POLR2B: variants seen among roughly 807,000 people sequenced by gnomAD.
POLR2B encodes the protein DNA-directed RNA polymerase II subunit RPB2.
A neutral mutation model predicts 144.6 loss-of-function variants in POLR2B; 57 were observed. That is an observed-to-expected ratio of 0.39 (90% CI 0.32 to 0.49). POLR2B has a LOEUF of 0.49. POLR2B is among the 20% of genes least tolerant of loss of function. The probability of loss-of-function intolerance (pLI) is 0.83; values close to 1 mark genes in which losing one functional copy is unlikely to be tolerated. For missense variants in POLR2B, 595 were observed against 1,467.4 expected (o/e 0.41, Z 9.71); for synonymous variants, 442 against 469.8 (o/e 0.94, Z 0.77).
At chr4:57,010,066 C>T (rs1016901738) in intron 10 of POLR2B, 3 of 287,708 alleles carry the variant, frequency 1.0e-5, no homozygotes, top group Non-Finnish European at 2.0e-5. Context: ...TGCTGGGATA[C>T]AACAGAGAAT....
At chr4:56,991,067 T>G (rs1722495959) in intron 3 of POLR2B, among the ~76,000 whole-genome samples, 169 bp downstream of exon 3, 1 of 150,258 alleles carries the variant, frequency 6.7e-6, no homozygotes, top group Non-Finnish European at 1.5e-5. Context: ...AAGAGGTGTG[T>G]TTTTTTGCAA....
chr4:57,012,094 G>A (rs1211839364), intron 13 of POLR2B, among the ~76,000 whole-genome samples: 1 of 151,760 alleles, frequency 6.6e-6, no homozygotes, highest in African/African-American at 2.4e-5. Flanking sequence ...TTGGGATTAG[G>A]ATGGGTTTTA....
chr4:57,005,582 C>CT lies in POLR2B; in HGVS notation c.1098-5dup, dbSNP rs367918481. 161,825 of 1,283,416 alleles carry CT rather than the reference C, an allele frequency of 0.13. 2,235 individuals carry two copies. The highest frequency in any genetic ancestry group is 0.28 in the East Asian group (10,552 of 37,692). The allele number at this position is 1,283,416 out of a possible 1,614,324, so 79.5% of individuals were successfully genotyped here. A position where few individuals can be genotyped will look rare whatever the true frequency, so the allele number is the denominator to read the frequency against. On this transcript the variant is annotated splice_polypyrimidine_tract_variant and intron_variant, in intron 8 of 24. Coordinates refer to ENST00000314595, the MANE Select transcript of POLR2B (RefSeq NM_000938.3). ...AAGTGTTTTCCCTCTTTCTTTCTTTCTTTTTTTTTTTTTAAAGATACATGG... is the reference window on the plus strand; with the variant it reads ...AAGTGTTTTCCCTCTTTCTTTCTTTCTTTTTTTTTTTTTTAAAGATACATGG...
chr4:57,012,098 G>A (rs1231941882), intron 13 of POLR2B, among the ~76,000 whole-genome samples: 1 of 151,540 alleles, frequency 6.6e-6, no homozygotes, highest in Admixed American at 6.6e-5. Flanking sequence ...GATTAGGATG[G>A]GTTTTAAAAA....
chr4:57,025,755 C>T (rs1294260734), intron 23 of POLR2B, among the ~76,000 whole-genome samples: 1 of 152,074 alleles, frequency 6.6e-6, no homozygotes, highest in East Asian at 1.9e-4. Context: ...CTCTGTCACC[C>T]AGGCTGGAGT....
intron 2 of POLR2B, among the ~76,000 whole-genome samples, chr4:56,988,842 C>A (rs1722416192): frequency 6.6e-6 from 1 of 152,128 alleles, no homozygotes; most frequent in South Asian, 2.1e-4. Context: ...ATTCTACATT[C>A]TCCCGGTAGA....
chr4:57,010,595 A>T, intron 11 of POLR2B, 91 bp downstream of exon 11: 1 of 1,409,240 alleles, frequency 7.1e-7, no homozygotes, highest in Non-Finnish European at 9.7e-7. Flanking sequence ...TTGAAAAATT[A>T]TGCAGAGTGG....
At position 56,994,957 on chromosome 4, in the gene POLR2B, T is replaced by A. The variant is rs145350715; in HGVS notation, c.576+91T>A. On this transcript the variant is annotated intron_variant, in intron 5 of 24. Coordinates refer to ENST00000314595, the MANE Select transcript of POLR2B (RefSeq NM_000938.3). ...AAAAAAAAAAAAAAAGAAAGAAAGA[T>A]TTTCCTGCAGGATAACCTGGCACTG... 8.4e-5 allele frequency: 70 copies of A among 829,702 alleles called. No homozygotes were observed. The East Asian group carries it at 1.8e-3, about 21-fold the overall frequency. The allele number at this position is 829,702 out of a possible 1,614,324, so 51.4% of individuals were successfully genotyped here.
intron 12 of POLR2B, 48 bp from the exon 13 acceptor site, chr4:57,010,941 T>A (rs368524220): frequency 5.9e-5 from 94 of 1,591,900 alleles, no homozygotes; most frequent in Non-Finnish European, 7.8e-5. Flanking sequence ...TAGTTGTTGC[T>A]TAGTATAGAA....
chr4:57,012,398 C>G (rs1723220692), intron 13 of POLR2B, among the ~76,000 whole-genome samples: 1 of 128,054 alleles, frequency 7.8e-6, no homozygotes. Flanking sequence ...GAGTGAGACT[C>G]TGTCTCCAAA....
At chr4:57,002,208 T>C in intron 7 of POLR2B, among the ~76,000 whole-genome samples, 1 of 152,108 alleles carries the variant, frequency 6.6e-6, no homozygotes, top group Admixed American at 6.6e-5. Flanking sequence ...TTTGTATTTT[T>C]GGTAGAGATG....
chr4:57,019,837 G>T (rs1723485420), intron 16 of POLR2B, among the ~76,000 whole-genome samples: 1 of 147,364 alleles, frequency 6.8e-6, no homozygotes, highest in South Asian at 2.1e-4. Context: ...GGGTCTAGGA[G>T]CTAATCCAGG....
rs780392979 is a variant in POLR2B, at chr4:57,017,223, C to T, written c.2136C>T (p.Pro712=). The part of the protein sequence containing the change: ...MILGVCASII[P]FPDHNQSPRN... ...TTGGTGTCTGTGCATCTATTATTCC[C>T]TTTCCTGATCATAACCAGGTTGGTA... Residue 712 remains proline (P), a synonymous_variant, in exon 15 of 25, where the codon CCC becomes CCT. Transcript: ENST00000314595. The surrounding 1 kb of genome is among the most constrained non-coding windows in gnomAD (Gnocchi z 4.8). 1 of 1,610,370 alleles carries T rather than the reference C, an allele frequency of 6.2e-7. No homozygotes were observed. Among genetic ancestry groups the T allele is most frequent in the South Asian group, 1.1e-5 (1 of 90,686 alleles).
intron 5 of POLR2B, 79 bp downstream of exon 5, chr4:56,994,945 A>T: frequency 1.2e-6 from 1 of 861,730 alleles, no homozygotes; most frequent in Non-Finnish European, 1.8e-6. Flanking sequence ...AAAAAAAAAA[A>T]AGAAAGAAAG....
intron 2 of POLR2B, among the ~76,000 whole-genome samples, chr4:56,988,395 C>G (rs535731204): frequency 5.9e-5 from 9 of 151,858 alleles, no homozygotes; most frequent in Non-Finnish European, 8.8e-5. Context: ...CGAGGTGGCT[C>G]GCACCTGCCC....
intron 23 of POLR2B, among the ~76,000 whole-genome samples, chr4:57,028,345 G>T (rs1038130841): frequency 2.6e-5 from 4 of 152,020 alleles, no homozygotes; most frequent in African/African-American, 9.7e-5. Flanking sequence ...TGTTGCTCTG[G>T]CTGGTCTTGA....
chr4:57,022,241 GC>G lies in POLR2B; in HGVS notation c.2512del (p.Gln838ArgfsTer3). On this transcript the variant is annotated frameshift_variant, in exon 18 of 25. Transcript: ENST00000314595. LOFTEE classifies it high-confidence loss of function. Reference sequence around the variant, plus strand: ...TTTGAGAAGCCTACACGTGAAACATGCCAGGGTAAGTGACACTAACATTTAA... The same window carrying G: ...TTTGAGAAGCCTACACGTGAAACATGCAGGGTAAGTGACACTAACATTTAA... ...EVFEKPTRETCQGMRHAIYDK... is the reference protein window; with the variant it reads ...EVFEKPTRETXQGMRHAIYDK... The G allele has an allele frequency of 6.3e-7, 1 of 1,587,394 alleles. No individual in the cohort carries two copies. The highest frequency in any genetic ancestry group is 8.6e-7 in the Non-Finnish European group (1 of 1,156,894).
Position 57,024,964 on chromosome 4 carries a change from T to G in POLR2B, c.3043T>G (p.Leu1015Val). 1 of 1,583,606 alleles carries G rather than the reference T, an allele frequency of 6.3e-7. No individual in the cohort carries two copies. ...AVNVQKISNLLSDYGYHLRGN... is the reference protein window; with the variant it reads ...AVNVQKISNLVSDYGYHLRGN... The stretch of plus-strand genomic sequence containing the variant: ...TAACGTGCAGAAGATTTCTAATCTT[T>G]TATCTGATTATGGCTATCATCTCAG... Residue 1015 changes from leucine (L) to valine (V), a missense_variant, in exon 22 of 25, where the codon TTA becomes GTA. By Grantham distance (32) the Leu-to-Val change is conservative (BLOSUM62 1). Around this residue, in one of 9 missense-constraint regions of POLR2B, gnomAD observed 65 missense variants for 282.8 expected, o/e 0.23. Transcript: ENST00000314595.
At chr4:57,001,208 C>G (rs1167540412) in intron 7 of POLR2B, among the ~76,000 whole-genome samples, 2 of 151,380 alleles carry the variant, frequency 1.3e-5, no homozygotes, top group Non-Finnish European at 2.9e-5. Flanking sequence ...CGCGCTTTGT[C>G]GCCCAGGCTG....
Sources: allele counts gnomAD v4.1 joint callset (sites outside exome capture counted in the v4.1 genomes callset), GRCh38; gene constraint gnomAD v4.1.1; regional missense constraint gnomAD v4.1.1; non-coding constraint Gnocchi (gnomAD v3.1); transcripts MANE v1.5; gene names NCBI Gene and HGNC (gene_info 2026-07-23, HGNC 2026-07-21).